Variants in RASSF4 observed in about 807,000 individuals in gnomAD.
RASSF4 encodes ras association domain-containing protein 4.
RASSF4 carries 38 observed loss-of-function variants against 41.1 expected under a neutral mutation model. The ratio of observed to expected loss-of-function variants is 0.92; its 90% CI spans 0.71 to 1.21. The LOEUF (loss-of-function observed/expected upper bound fraction) is 1.21. Among genes scored for constraint, RASSF4 ranks in the 50% most tolerant of loss-of-function variants. The pLI is 0.00. For missense variants in RASSF4, 414 were observed against 419.4 expected (o/e 0.99, Z 0.11); for synonymous variants, 179 against 163.4 (o/e 1.10, Z -0.73).
intron 1 of RASSF4, among the ~76,000 whole-genome samples, chr10:44,967,401 G>A (rs538478415): frequency 2.0e-5 from 3 of 152,314 alleles, no homozygotes; most frequent in South Asian, 2.1e-4. Flanking sequence ...GCGACCACAC[G>A]GGCATTCCAG....
In RASSF4 at chr10:44,977,730, T is replaced by C. The variant is rs116781265; in HGVS notation, c.139-4791T>C. On this transcript the variant is annotated intron_variant, in intron 3 of 10. Transcript: ENST00000340258. The stretch of plus-strand genomic sequence containing the variant: ...AAAAGCCAGTCCAGGGGGTCCACAG[T>C]ATCAGCCATGGGCAGTGTGGGCTGC... 2,207 of 1,609,868 alleles carry C rather than the reference T, an allele frequency of 1.4e-3. 23 individuals are homozygous for C. In the African/African-American group the frequency reaches 0.024, roughly 17 times the overall value.
intron 3 of RASSF4, among the ~76,000 whole-genome samples, chr10:44,972,298 A>AGTGGGGT (rs1841208455): frequency 6.6e-6 from 1 of 152,144 alleles, no homozygotes; most frequent in Non-Finnish European, 1.5e-5. Context: ...TCATTTGTAA[A>AGTGGGGT]GTGGGGTGTG....
intron 3 of RASSF4, chr10:44,976,236 T>C (rs1159186025): frequency 2.0e-5 from 3 of 152,270 alleles, no homozygotes; most frequent in Admixed American, 6.5e-5. Context: ...GATGTCCCCA[T>C]TTTATAGATA....
At chr10:44,979,012 G>A (rs947715079) in intron 3 of RASSF4, among the ~76,000 whole-genome samples, 1 of 152,190 alleles carries the variant, frequency 6.6e-6, no homozygotes, top group African/African-American at 2.4e-5. Context: ...GAAAGGGGTG[G>A]GTTCACTGCT....
chr10:44,983,959 C>T (rs1398500072), intron 4 of RASSF4, 63 bp from the exon 5 acceptor site: 1 of 1,551,732 alleles, frequency 6.4e-7, no homozygotes, highest in African/African-American at 1.4e-5. Context: ...GGTCTCTTCT[C>T]CTTGGCCTGA....
At chr10:44,971,733 G>A in intron 2 of RASSF4, 40 bp from the exon 3 acceptor site, 1 of 1,536,260 alleles carries the variant, frequency 6.5e-7, no homozygotes, top group Middle Eastern at 1.7e-4. Context: ...CTGAGGCCCT[G>A]CCACACCCTA....
chr10:44,990,017 G>A (rs1842052002), intron 8 of RASSF4, among the ~76,000 whole-genome samples: 2 of 152,244 alleles, frequency 1.3e-5, no homozygotes, highest in Admixed American at 1.3e-4. Context: ...ATTCTTTCAG[G>A]ATTCTGAAGG....
chr10:44,984,991 C>T (rs771296750), intron 6 of RASSF4, 21 bp downstream of exon 6: 13 of 1,599,200 alleles, frequency 8.1e-6, no homozygotes, highest in Non-Finnish European at 1.1e-5. Flanking sequence ...AGCCTGGCCT[C>T]TCCCCTGGGC....
intron 6 of RASSF4, among the ~76,000 whole-genome samples, chr10:44,986,866 G>T (rs889709300): frequency 1.3e-5 from 2 of 152,160 alleles, no homozygotes; most frequent in African/African-American, 2.4e-5. Flanking sequence ...AGAAATGTTG[G>T]TTTTATTTCC....
At chr10:44,967,255 G>A (rs1840936860) in intron 1 of RASSF4, among the ~76,000 whole-genome samples, 1 of 152,204 alleles carries the variant, frequency 6.6e-6, no homozygotes, top group Non-Finnish European at 1.5e-5. Context: ...CCACGGTGGA[G>A]ACAGGAGAAC....
intron 2 of RASSF4, chr10:44,971,329 C>G: frequency 2.7e-6 from 1 of 363,980 alleles, no homozygotes; most frequent in Non-Finnish European, 5.5e-6. Context: ...AAGAAGCAGG[C>G]ACCCCTCAGG....
chr10:44,992,851 G>A (rs780522231), intron 10 of RASSF4, among the ~76,000 whole-genome samples: 21 of 152,166 alleles, frequency 1.4e-4, no homozygotes, highest in African/African-American at 4.6e-4. Flanking sequence ...TCCTGACCCC[G>A]TAAGATTTGA....
At chr10:44,965,260 G>C (rs966117664) in intron 1 of RASSF4, among the ~76,000 whole-genome samples, 1 of 152,168 alleles carries the variant, frequency 6.6e-6, no homozygotes, top group Non-Finnish European at 1.5e-5. Flanking sequence ...GGAGAGGCTT[G>C]GCTAGTGAAA....
chr10:44,964,692 A>C (rs1232690824), intron 1 of RASSF4, among the ~76,000 whole-genome samples: 1 of 152,232 alleles, frequency 6.6e-6, no homozygotes. Flanking sequence ...CACCCAGTGC[A>C]CTTGGAGATT....
intron 3 of RASSF4, among the ~76,000 whole-genome samples, chr10:44,975,699 G>T (rs959862916): frequency 1.3e-5 from 2 of 149,992 alleles, no homozygotes; most frequent in Non-Finnish European, 3.0e-5. Context: ...CTCTGCAGGA[G>T]CTTGGGACAC....
chr10:44,988,811 G>A (rs1269369768), intron 6 of RASSF4, among the ~76,000 whole-genome samples: 3 of 152,222 alleles, frequency 2.0e-5, no homozygotes, highest in African/African-American at 7.2e-5. Context: ...CTACGGATTA[G>A]AGGGACTGAG....
At chr10:44,992,890 G>T (rs141804892) in intron 10 of RASSF4, among the ~76,000 whole-genome samples, 92 of 152,312 alleles carry the variant, frequency 6.0e-4, no homozygotes, top group African/African-American at 2.1e-3. Flanking sequence ...GGGGCAACTA[G>T]TGGGTCCACT....
intron 6 of RASSF4, 65 bp from the exon 7 acceptor site, chr10:44,989,209 C>T (rs925492937): frequency 8.9e-6 from 9 of 1,007,914 alleles, no homozygotes; most frequent in East Asian, 4.8e-5. Context: ...GTCTGTTCAC[C>T]GTTGTGATGT....
At chr10:44,985,874 AG>A (rs1212276476) in intron 6 of RASSF4, among the ~76,000 whole-genome samples, 1 of 152,212 alleles carries the variant, frequency 6.6e-6, no homozygotes, top group Admixed American at 6.5e-5. Context: ...GAATGACAAT[AG>A]GGTTGCCTTT....
Sources: allele counts gnomAD v4.1 joint callset (sites outside exome capture counted in the v4.1 genomes callset), GRCh38; gene constraint gnomAD v4.1.1; transcripts MANE v1.5; gene names NCBI Gene and HGNC (gene_info 2026-07-23, HGNC 2026-07-21).